The following PCDHGB3 variants were observed in gnomAD, a reference collection of about 807,000 sequenced individuals.
PCDHGB3 encodes the protein protocadherin gamma-B3.
In PCDHGB3, 40 loss-of-function variants were observed where a neutral mutation model predicts 59.2. The ratio of observed to expected loss-of-function variants is 0.68; its 90% CI spans 0.52 to 0.88. PCDHGB3 has a LOEUF of 0.88. Among genes scored for constraint, PCDHGB3 ranks in the 40% least tolerant of loss-of-function variants. PCDHGB3 has a pLI of 0.00. For missense variants in PCDHGB3, 1,309 were observed against 1,187.9 expected, an observed-to-expected ratio of 1.10 and a Z score of -1.50; for synonymous variants, 581 against 503.6, an observed-to-expected ratio of 1.15 and a Z score of -2.06.
At position 141,487,505 on chromosome 5, in the gene PCDHGB3, G is replaced by GTA; in HGVS notation, c.2416-7302_2416-7301insTA. The GTA allele has an allele frequency of 1.2e-6, 2 of 1,614,200 alleles. No homozygotes were observed. The highest frequency in any genetic ancestry group is 1.7e-6 in the Non-Finnish European group (2 of 1,180,032). ...TCATGGCTGTACACCCTTGGCTTCTGCACCCACTCGGAGTGATAGCTTCAT... is the reference window on the plus strand; with the variant it reads ...TCATGGCTGTACACCCTTGGCTTCTGTACACCCACTCGGAGTGATAGCTTCAT... On this transcript the variant is annotated intron_variant, in intron 1 of 3. Coordinates refer to ENST00000576222, the MANE Select transcript of PCDHGB3 (RefSeq NM_018924.5). This position sits in a 1 kb window ranked among gnomAD's most constrained non-coding sequence, Gnocchi z 5.0.
intron 1 of PCDHGB3, chr5:141,409,339 T>G: frequency 6.2e-7 from 1 of 1,613,954 alleles, no homozygotes; most frequent in South Asian, 1.1e-5. Context: ...TCGGAGGAAA[T>G]GGAGAAGTCA....
intron 1 of PCDHGB3, chr5:141,387,922 G>A (rs764365334): frequency 2.0e-6 from 3 of 1,478,496 alleles, no homozygotes; most frequent in African/African-American, 2.8e-5. Context: ...CGGGCTGAGA[G>A]GCTGCCAGTG....
chr5:141,380,196 G>A (rs1002706852), intron 1 of PCDHGB3, among the ~76,000 whole-genome samples: 3 of 152,110 alleles, frequency 2.0e-5, no homozygotes, highest in Non-Finnish European at 2.9e-5. Flanking sequence ...CACTGAGCCC[G>A]GCCTGAAAGG....
chr5:141,500,520 T>A (rs2099801106), intron 2 of PCDHGB3, among the ~76,000 whole-genome samples: 1 of 152,194 alleles, frequency 6.6e-6, no homozygotes, highest in South Asian at 2.1e-4. Context: ...AGCTTCATTT[T>A]AAAAAAATCT....
intron 1 of PCDHGB3, chr5:141,389,390 C>G: frequency 2.5e-6 from 4 of 1,613,718 alleles, no homozygotes; most frequent in Non-Finnish European, 3.4e-6. Context: ...TGTCATCCTA[C>G]GTGTCCATAA....
Position 141,405,325 on chromosome 5 carries a change from G to C in PCDHGB3, c.2415+32516G>C, listed in dbSNP as rs17097274. ...AGAGCTGTGAGAAAAATGAGCCTTT[G>C]TGCGTCTCTGTTGATTCCAAGTTTC... On this transcript the variant is annotated intron_variant, in intron 1 of 3. Transcript: ENST00000576222. The C allele has an allele frequency of 9.4e-4, 1,513 of 1,614,170 alleles. 9 individuals are homozygous for C. The African/African-American group carries it at 0.016, about 17-fold the overall frequency.
chr5:141,381,826 CTTTTTTT>C (rs770630741), intron 1 of PCDHGB3, among the ~76,000 whole-genome samples: 293 of 74,292 alleles, frequency 3.9e-3, no homozygotes, highest in Middle Eastern at 0.016. Context: ...CTTTCTTCTT[CTTTTTTT>C]TTTTTTTTTT....
intron 1 of PCDHGB3, chr5:141,387,564 A>G: frequency 4.5e-6 from 2 of 442,524 alleles, no homozygotes; most frequent in Non-Finnish European, 8.0e-6. Context: ...TAGGCACACA[A>G]TTATAATTAT....
chr5:141,423,300 G>T, intron 1 of PCDHGB3: 2 of 1,614,146 alleles, frequency 1.2e-6, no homozygotes, highest in African/African-American at 1.3e-5. Context: ...CAGACCTCTC[G>T]CTGTACTTGG....
intron 1 of PCDHGB3, chr5:141,383,500 G>T: frequency 6.2e-7 from 1 of 1,613,078 alleles, no homozygotes; most frequent in East Asian, 2.2e-5. Flanking sequence ...GCGGGTGCTG[G>T]ACCGGGAGGA....
intron 2 of PCDHGB3, among the ~76,000 whole-genome samples, chr5:141,498,404 C>T (rs1283586713): frequency 6.6e-6 from 1 of 152,104 alleles, no homozygotes; most frequent in African/African-American, 2.4e-5. Context: ...AGGGAGTTTT[C>T]TCTTTGCTGG....
Position 141,489,252 on chromosome 5 carries a change from G to A in PCDHGB3, c.2416-5555G>A. 2 of 1,547,622 alleles carry A rather than the reference G, an allele frequency of 1.3e-6. No individual in the cohort carries two copies. Among genetic ancestry groups the A allele is most frequent in the Non-Finnish European group, 1.7e-6 (2 of 1,147,198 alleles). On this transcript the variant is annotated intron_variant, in intron 1 of 3. Coordinates refer to ENST00000576222, the MANE Select transcript of PCDHGB3 (RefSeq NM_018924.5). The surrounding 1 kb of genome is among the most constrained non-coding windows in gnomAD (Gnocchi z 4.5). ...GGGACTTCTGGGTCATGGGGCCCAAGACACTCCCACAGCTCGCTGGGAAAT... is the reference window on the plus strand; with the variant it reads ...GGGACTTCTGGGTCATGGGGCCCAAAACACTCCCACAGCTCGCTGGGAAAT...
intron 1 of PCDHGB3, chr5:141,403,791 A>T: frequency 6.2e-7 from 1 of 1,613,900 alleles, no homozygotes. Context: ...GTGGCATACA[A>T]ATTCTGGAAA....
chr5:141,462,336 T>C (rs2099037439), intron 1 of PCDHGB3, among the ~76,000 whole-genome samples: 1 of 152,238 alleles, frequency 6.6e-6, no homozygotes, highest in African/African-American at 2.4e-5. Flanking sequence ...TTTAATTGTA[T>C]TGTGATCCAA....
At chr5:141,441,864 G>A in intron 1 of PCDHGB3, 3 of 344,518 alleles carry the variant, frequency 8.7e-6, no homozygotes, top group Admixed American at 4.1e-5. Context: ...TGCACGCCGC[G>A]GAGCCTGGCT....
chr5:141,509,300 G>A (rs987250093), intron 3 of PCDHGB3, among the ~76,000 whole-genome samples: 5 of 152,216 alleles, frequency 3.3e-5, no homozygotes, highest in African/African-American at 1.2e-4. Flanking sequence ...GGTGGAGGCA[G>A]AGGGAGGCTG....
At chr5:141,422,002 G>A (rs754599902) in intron 1 of PCDHGB3, 41 of 1,609,306 alleles carry the variant, frequency 2.5e-5, no homozygotes, top group Non-Finnish European at 3.1e-5. Flanking sequence ...CATCAGCTCC[G>A]GAACTCGGGT....
intron 1 of PCDHGB3, among the ~76,000 whole-genome samples, chr5:141,401,123 C>A (rs1289456548): frequency 1.3e-5 from 2 of 152,156 alleles, no homozygotes; most frequent in Non-Finnish European, 2.9e-5. Flanking sequence ...GCGGTTGGAT[C>A]ACATGGTCAG....
chr5:141,476,523 C>G lies in PCDHGB3; in HGVS notation c.2416-18284C>G. On this transcript the variant is annotated intron_variant, in intron 1 of 3. Transcript: ENST00000576222. This position sits in a 1 kb window ranked among gnomAD's most constrained non-coding sequence, Gnocchi z 7.6. ...ATCAACGACAACAATCCTGCTTTCC[C>G]TACCCAGGAAATGAAATTGGAGATT... is the stretch of plus-strand genomic sequence containing the variant. 1 of 1,614,218 alleles carries G rather than the reference C, an allele frequency of 6.2e-7. No individual in the cohort carries two copies.
Sources: allele counts gnomAD v4.1 joint callset (sites outside exome capture counted in the v4.1 genomes callset), GRCh38; gene constraint gnomAD v4.1.1; non-coding constraint Gnocchi (gnomAD v3.1); transcripts MANE v1.5; gene names NCBI Gene and HGNC (gene_info 2026-07-23, HGNC 2026-07-21).